ZMAT4: variants seen among roughly 807,000 people sequenced by gnomAD.
ZMAT4 encodes the protein zinc finger matrin-type 4, also known as zinc finger matrin-type protein 4.
Under a neutral mutation model 28.7 loss-of-function variants are expected in ZMAT4, and 17 were observed. That is an observed-to-expected ratio of 0.59 (90% CI 0.41 to 0.89). The LOEUF (loss-of-function observed/expected upper bound fraction) is 0.89, where lower values mean the gene tolerates loss of function less well. Ranked by LOEUF, ZMAT4 falls within the 40% of genes least tolerant of loss-of-function variation. ZMAT4 has a pLI of 0.00. For synonymous variants in ZMAT4, 117 were observed against 109.2 expected, an observed-to-expected ratio of 1.07 and a Z score of -0.44; for missense variants, 240 against 283.8, an observed-to-expected ratio of 0.85 and a Z score of 1.11.
chr8:40,665,265 C>T (rs879895262), intron 5 of ZMAT4, among the ~76,000 whole-genome samples: 1 of 107,438 alleles, frequency 9.3e-6, no homozygotes, highest in Non-Finnish European at 2.2e-5. Context: ...TAAAGCCTCT[C>T]AACCACCAGG....
At chr8:40,774,771 A>G (rs1404657935) in intron 2 of ZMAT4, among the ~76,000 whole-genome samples, 1 of 152,012 alleles carries the variant, frequency 6.6e-6, no homozygotes, top group Non-Finnish European at 1.5e-5. Context: ...GTATGCATAT[A>G]CAAGGCAAAG....
chr8:40,822,259 C>A (rs1429208202), intron 2 of ZMAT4, among the ~76,000 whole-genome samples: 1 of 152,214 alleles, frequency 6.6e-6, no homozygotes, highest in Non-Finnish European at 1.5e-5. Context: ...AGGATCATTT[C>A]TCATATAGGT....
At chr8:40,882,395 G>A (rs1043977646) in intron 1 of ZMAT4, among the ~76,000 whole-genome samples, 2 of 152,022 alleles carry the variant, frequency 1.3e-5, no homozygotes, top group African/African-American at 4.8e-5. Context: ...GTTCCTCTCC[G>A]GTGTCTTTCT....
chr8:40,728,463 G>T (rs561291135), intron 3 of ZMAT4, among the ~76,000 whole-genome samples: 1 of 152,298 alleles, frequency 6.6e-6, no homozygotes, highest in South Asian at 2.1e-4. Flanking sequence ...AGCATCACTG[G>T]TATTTCAGAA....
intron 2 of ZMAT4, among the ~76,000 whole-genome samples, chr8:40,820,459 TG>T (rs908289283): frequency 3.3e-5 from 4 of 122,984 alleles, no homozygotes; most frequent in Non-Finnish European, 3.4e-5. Flanking sequence ...GTGGGGTGTC[TG>T]GGGGTGTATG....
intron 1 of ZMAT4, among the ~76,000 whole-genome samples, chr8:40,854,140 C>T (rs1193101367): frequency 6.6e-6 from 1 of 152,126 alleles, no homozygotes; most frequent in African/African-American, 2.4e-5. Flanking sequence ...AAACACTTCC[C>T]ACCAGGCGCC....
At chr8:40,791,158 A>C (rs1814308825) in intron 2 of ZMAT4, among the ~76,000 whole-genome samples, 1 of 152,242 alleles carries the variant, frequency 6.6e-6, no homozygotes, top group Non-Finnish European at 1.5e-5. Context: ...CTAACTGTGT[A>C]ACCTAAAATA....
intron 5 of ZMAT4, among the ~76,000 whole-genome samples, chr8:40,603,058 C>A (rs952250230): frequency 2.6e-5 from 4 of 152,134 alleles, no homozygotes; most frequent in African/African-American, 4.8e-5. Context: ...AGATTTAAGT[C>A]TTTGATCCAT....
intron 2 of ZMAT4, among the ~76,000 whole-genome samples, chr8:40,799,571 A>T (rs988486662): frequency 6.6e-6 from 1 of 152,248 alleles, no homozygotes; most frequent in African/African-American, 2.4e-5. Context: ...CAGATATTTT[A>T]AAAATTTAAA....
At chr8:40,767,929 G>C (rs1813231050) in intron 2 of ZMAT4, among the ~76,000 whole-genome samples, 199 bp from the exon 3 acceptor site, 1 of 152,142 alleles carries the variant, frequency 6.6e-6, no homozygotes, top group African/African-American at 2.4e-5. Flanking sequence ...TGTAATTTCA[G>C]GATGAGAAAA....
intron 6 of ZMAT4, among the ~76,000 whole-genome samples, chr8:40,559,182 T>C (rs1426249496): frequency 1.3e-5 from 2 of 152,126 alleles, no homozygotes; most frequent in Non-Finnish European, 2.9e-5. Flanking sequence ...GATTGCACAA[T>C]AGAATGATTT....
chr8:40,778,125 A>T (rs2150569730), intron 2 of ZMAT4, among the ~76,000 whole-genome samples: 1 of 152,344 alleles, frequency 6.6e-6, no homozygotes, highest in Admixed American at 6.5e-5. Flanking sequence ...TAGAAGAAAA[A>T]GTTGGATTAA....
chr8:40,880,404 T>A (rs1245285295), intron 1 of ZMAT4, among the ~76,000 whole-genome samples: 2 of 149,998 alleles, frequency 1.3e-5, no homozygotes, highest in Non-Finnish European at 3.0e-5. Flanking sequence ...TCCTAAAAAA[T>A]CACGCTTTCC....
chr8:40,878,226 C>T (rs1327951566), intron 1 of ZMAT4, among the ~76,000 whole-genome samples: 1 of 152,158 alleles, frequency 6.6e-6, no homozygotes, highest in African/African-American at 2.4e-5. Flanking sequence ...TGGCCTGAAA[C>T]ATTTCAGAAG....
At chr8:40,873,451 C>T (rs1817932540) in intron 1 of ZMAT4, among the ~76,000 whole-genome samples, 1 of 152,286 alleles carries the variant, frequency 6.6e-6, no homozygotes, top group Admixed American at 6.5e-5. Context: ...GCAGGGATTC[C>T]TTGACTTGGC....
chr8:40,645,949 A>G (rs1167099947), intron 5 of ZMAT4, among the ~76,000 whole-genome samples: 1 of 152,114 alleles, frequency 6.6e-6, no homozygotes, highest in East Asian at 1.9e-4. Flanking sequence ...CACTAGAATC[A>G]TAATCTCCTT....
At chr8:40,852,128 C>T (rs896078104) in intron 1 of ZMAT4, among the ~76,000 whole-genome samples, 1 of 152,082 alleles carries the variant, frequency 6.6e-6, no homozygotes, top group Non-Finnish European at 1.5e-5. Context: ...TCAAGTGATC[C>T]ACTTGCCTTG....
At position 40,795,931 on chromosome 8, in the gene ZMAT4, C is replaced by A. The variant is rs114716173; in HGVS notation, c.103-28201G>T. On this transcript the variant is annotated intron_variant, in intron 2 of 6. Coordinates refer to ENST00000297737, the MANE Select transcript of ZMAT4 (RefSeq NM_024645.3). ...AAAAGAAGTGCTTAAAATATACCAT[C>A]ACAGCTTCTTAATTTTCCACACTTT... is the stretch of plus-strand genomic sequence containing the variant. Among the ~76,000 whole-genome samples, 755 of 152,302 alleles carry A rather than the reference C, an allele frequency of 5.0e-3. 9 individuals carry two copies. Among genetic ancestry groups the A allele is most frequent in the African/African-American group, 0.017 (717 of 41,560 alleles).
chr8:40,728,810 T>G (rs1046382790), intron 3 of ZMAT4, among the ~76,000 whole-genome samples: 4 of 152,242 alleles, frequency 2.6e-5, no homozygotes, highest in Non-Finnish European at 5.9e-5. Context: ...CATTTTTTTT[T>G]CTACCTAGAA....
Sources: gnomAD v4.1 joint callset for allele counts (sites outside exome capture counted in the v4.1 genomes callset) on GRCh38, gnomAD v4.1.1 for gene constraint, MANE v1.5 for transcripts, NCBI Gene and HGNC (gene_info 2026-07-23, HGNC 2026-07-21) for gene names.